Variants in CCDC3 observed in about 807,000 individuals in gnomAD.
The protein encoded by CCDC3 is coiled-coil domain-containing protein 3.
CCDC3 carries 24 observed loss-of-function variants against 21.4 expected under a neutral mutation model. The observed-to-expected ratio is 1.12, with a 90% CI of 0.81 to 1.58. CCDC3 has a LOEUF of 1.58. Among genes scored for constraint, CCDC3 ranks in the 40% most tolerant of loss-of-function variants. CCDC3 has a pLI of 0.00. For synonymous variants in CCDC3, 186 were observed against 166.0 expected, an observed-to-expected ratio of 1.12 and a Z score of -0.93; for missense variants, 425 against 360.9, an observed-to-expected ratio of 1.18 and a Z score of -1.44.
At position 12,965,536 on chromosome 10, in the gene CCDC3, T is replaced by C. The variant is rs368172309; in HGVS notation, c.549+32802A>G. 2.6e-5 allele frequency among the ~76,000 whole-genome samples: 4 copies of C among 152,344 alleles called. No individual in the cohort carries two copies. The East Asian group carries it at 7.7e-4, about 29-fold the overall frequency. On this transcript the variant is annotated intron_variant, in intron 2 of 2. Coordinates refer to ENST00000378825, the MANE Select transcript of CCDC3 (RefSeq NM_031455.4). ...CCTACTCCCGATGATTGTTAGATTTTTGAGTGTACGTAAGAGAGATGTCAC... is the reference window on the plus strand; with the variant it reads ...CCTACTCCCGATGATTGTTAGATTTCTGAGTGTACGTAAGAGAGATGTCAC...
At chr10:12,919,756 T>G (rs1277591637) in intron 2 of CCDC3, among the ~76,000 whole-genome samples, 3 of 140,174 alleles carry the variant, frequency 2.1e-5, no homozygotes, top group Non-Finnish European at 3.1e-5. Context: ...CCGGGGTGGG[T>G]GGGGGGTGGG....
At chr10:13,048,395 T>C (rs192280797) in intron 5 of CCDC3, among the ~76,000 whole-genome samples, 58 of 152,212 alleles carry the variant, frequency 3.8e-4, no homozygotes, top group African/African-American at 1.3e-3. Flanking sequence ...GGTTTCACCA[T>C]GTTGGCCAGG....
intron 2 of CCDC3, among the ~76,000 whole-genome samples, chr10:12,973,041 T>C (rs926741478): frequency 3.9e-5 from 6 of 152,234 alleles, no homozygotes; most frequent in East Asian, 1.9e-4. Flanking sequence ...TTGAAACTGT[T>C]GTAAGGAATA....
chr10:12,978,766 G>C (rs1026351726), intron 2 of CCDC3, among the ~76,000 whole-genome samples: 3 of 152,186 alleles, frequency 2.0e-5, no homozygotes, highest in Admixed American at 1.3e-4. Flanking sequence ...GAAATGGAAA[G>C]AGGACCCTTT....
chr10:12,981,921 A>G (rs561856627), intron 2 of CCDC3, among the ~76,000 whole-genome samples: 2 of 151,892 alleles, frequency 1.3e-5, no homozygotes, highest in African/African-American at 4.8e-5. Flanking sequence ...TCGAGAAATC[A>G]AGACCATCCT....
rs960991646 is a variant in CCDC3, at chr10:13,094,586, C to T, written c.-503+3939G>A. 4.0e-5 allele frequency among the ~76,000 whole-genome samples: 6 copies of T among 151,866 alleles called. No individual in the cohort carries two copies. The South Asian group carries it at 1.0e-3, about 26-fold the overall frequency. The stretch of plus-strand genomic sequence containing the variant: ...AAGATTTTTAAACATGAGGCAGGCC[C>T]GGCACAGAGAGTTATGTCTGTAATT... On this transcript the variant is annotated intron_variant, in intron 3 of 6. Coordinates refer to the CCDC3 transcript ENST00000378839.
At chr10:12,923,673 T>C (rs1834489713) in intron 2 of CCDC3, among the ~76,000 whole-genome samples, 1 of 152,208 alleles carries the variant, frequency 6.6e-6, no homozygotes, top group South Asian at 2.1e-4. Context: ...TCTATCCTTT[T>C]TTCACCTCCA....
At chr10:13,064,853 G>A (rs1836804971) in intron 4 of CCDC3, among the ~76,000 whole-genome samples, 1 of 152,066 alleles carries the variant, frequency 6.6e-6, no homozygotes, top group Non-Finnish European at 1.5e-5. Flanking sequence ...GAAGTAAGGA[G>A]AAGGCTTCTA....
intron 2 of CCDC3, among the ~76,000 whole-genome samples, chr10:12,952,673 G>A (rs923836987): frequency 6.6e-6 from 1 of 152,050 alleles, no homozygotes; most frequent in African/African-American, 2.4e-5. Context: ...TTTATGACTT[G>A]GTGACACTGC....
At chr10:12,933,898 G>T (rs551663314) in intron 2 of CCDC3, among the ~76,000 whole-genome samples, 4 of 151,954 alleles carry the variant, frequency 2.6e-5, no homozygotes, top group East Asian at 1.9e-4. Flanking sequence ...TCTTTTCAAA[G>T]AATCAGCTCT....
chr10:13,027,733 C>CA (rs1430972252), intron 5 of CCDC3, among the ~76,000 whole-genome samples: 3,547 of 130,710 alleles, frequency 0.027, 128 homozygotes, highest in African/African-American at 0.088. Context: ...AAAAAAAAAA[C>CA]AAAAAAAAAC....
At chr10:13,084,683 T>C (rs1426558151) in intron 3 of CCDC3, among the ~76,000 whole-genome samples, 1 of 152,214 alleles carries the variant, frequency 6.6e-6, no homozygotes, top group Non-Finnish European at 1.5e-5. Context: ...TCTTGGGGTC[T>C]AGATCGGGAC....
In CCDC3 at chr10:13,072,859, TTTTC is replaced by T. The variant is rs1219503840; in HGVS notation, c.-270+1005_-270+1008del. Among the ~76,000 whole-genome samples, 43 of 72,884 alleles carry T rather than the reference TTTTC, an allele frequency of 5.9e-4. No homozygotes were observed. In the South Asian group the frequency reaches 0.017, roughly 29 times the overall value. 47.8% of individuals were successfully genotyped at this position (72,884 alleles called of 152,430 possible). A position where few individuals can be genotyped will look rare whatever the true frequency, so the allele number is the denominator to read the frequency against. On this transcript the variant is annotated intron_variant, in intron 4 of 6. Transcript: ENST00000378839. ...CTGCACAATCATTTCTTTTCTTTTC[TTTTC>T]TTTCTTTTTTTTTTTTTTTTTGAGA...
intron 2 of CCDC3, among the ~76,000 whole-genome samples, chr10:12,926,604 T>C (rs1338709847): frequency 6.6e-6 from 1 of 152,180 alleles, no homozygotes; most frequent in Non-Finnish European, 1.5e-5. Flanking sequence ...AATATTAAGA[T>C]GGTAGACTAA....
At chr10:13,063,973 G>T (rs1472302259) in intron 4 of CCDC3, among the ~76,000 whole-genome samples, 1 of 151,142 alleles carries the variant, frequency 6.6e-6, no homozygotes, top group South Asian at 2.2e-4. Context: ...CTGTCGTCAC[G>T]CTGGAGTGCA....
rs1365479967 is a variant in CCDC3 at position 13,001,509 on chromosome 10, G to C, written c.62C>G (p.Ala21Gly). Reference sequence around the variant, plus strand: ...CCTCCACTCGGAGGGCAGCTGGCAGGCGCGCGCGGGCGCTGGGGGACCCGC... The same window carrying C: ...CCTCCACTCGGAGGGCAGCTGGCAGCCGCGCGCGGGCGCTGGGGGACCCGC... Reference protein sequence around the residue: ...CLAGPPAPARACQLPSEWRPL... With the variant: ...CLAGPPAPARGCQLPSEWRPL... The change falls in exon 1 of 3, where the codon GCC becomes GGC. Residue 21 changes from alanine to glycine, a missense_variant. Transcript: ENST00000378825. 2.3e-6 allele frequency: 3 copies of C among 1,327,366 alleles called. No homozygotes were observed. Among genetic ancestry groups the C allele is most frequent in the Non-Finnish European group, 2.9e-6 (3 of 1,041,434 alleles). 82.2% of individuals were successfully genotyped at this position (1,327,366 alleles called of 1,614,324 possible).
At chr10:13,072,259 G>A (rs1411065058) in intron 4 of CCDC3, among the ~76,000 whole-genome samples, 2 of 152,100 alleles carry the variant, frequency 1.3e-5, no homozygotes, top group African/African-American at 4.8e-5. Flanking sequence ...TTTCTGCTGG[G>A]GATACTTAGA....
intron 2 of CCDC3, among the ~76,000 whole-genome samples, chr10:12,979,507 G>A (rs998571034): frequency 6.6e-6 from 1 of 151,844 alleles, no homozygotes; most frequent in South Asian, 2.1e-4. Context: ...CCTCCAAAGT[G>A]TCTGGGACCA....
intron 3 of CCDC3, among the ~76,000 whole-genome samples, chr10:13,092,676 CA>C: frequency 6.6e-6 from 1 of 152,232 alleles, no homozygotes; most frequent in East Asian, 1.9e-4. Context: ...AGGAATAACA[CA>C]GGGGTGACCA....
Sources: gnomAD v4.1 joint callset for allele counts (sites outside exome capture counted in the v4.1 genomes callset) on GRCh38, gnomAD v4.1.1 for gene constraint, MANE v1.5 for transcripts, NCBI Gene and HGNC (gene_info 2026-07-23, HGNC 2026-07-21) for gene names.